ADGRL2: variants seen among roughly 807,000 people sequenced by gnomAD.
The protein encoded by ADGRL2 is calcium-independent alpha-latrotoxin receptor 2.
Under a neutral mutation model 157.4 loss-of-function variants are expected in ADGRL2, and 44 were observed. The ratio of observed to expected loss-of-function variants is 0.28; its 90% CI spans 0.22 to 0.36. ADGRL2 has a LOEUF of 0.36. Ranked by LOEUF, ADGRL2 falls within the 10% of genes least tolerant of loss-of-function variation. The probability of loss-of-function intolerance (pLI) is 1.00; values close to 1 mark genes in which losing one functional copy is unlikely to be tolerated. For synonymous variants in ADGRL2, 585 were observed against 624.7 expected, an observed-to-expected ratio of 0.94 and a Z score of 0.95; for missense variants, 1,510 against 1,768.9, an observed-to-expected ratio of 0.85 and a Z score of 2.63.
intron 1 of ADGRL2, among the ~76,000 whole-genome samples, chr1:81,831,126 T>C (rs2150090711): frequency 6.6e-6 from 1 of 152,328 alleles, no homozygotes; most frequent in East Asian, 1.9e-4. Flanking sequence ...TTGTAGATGT[T>C]AATATTAAAA....
chr1:81,348,649 CCAA>C (rs1333031610), intron 1 of ADGRL2, among the ~76,000 whole-genome samples: 2 of 152,056 alleles, frequency 1.3e-5, no homozygotes, highest in African/African-American at 4.8e-5. Context: ...ACCACCACCA[CCAA>C]CAACAACAAA....
At chr1:81,806,592 GTAATAAAATGT>G (rs2089191685) in intron 1 of ADGRL2, among the ~76,000 whole-genome samples, 1 of 151,958 alleles carries the variant, frequency 6.6e-6, no homozygotes. Context: ...ACAAACCATA[GTAATAAAATGT>G]TATTGCTTTA....
intron 1 of ADGRL2, among the ~76,000 whole-genome samples, chr1:81,805,751 C>T (rs2089037301): frequency 6.7e-6 from 1 of 148,522 alleles, no homozygotes; most frequent in Non-Finnish European, 1.5e-5. Flanking sequence ...AAAAAGGCCA[C>T]ATTGATGTAA....
intron 3 of ADGRL2, among the ~76,000 whole-genome samples, chr1:81,607,518 G>A (rs993662852): frequency 6.6e-6 from 1 of 152,138 alleles, no homozygotes; most frequent in Admixed American, 6.5e-5. Flanking sequence ...GCACGTGGAA[G>A]GATGAATGGC....
At chr1:81,566,295 A>G (rs2080561280) in intron 2 of ADGRL2, among the ~76,000 whole-genome samples, 1 of 152,194 alleles carries the variant, frequency 6.6e-6, no homozygotes, top group Non-Finnish European at 1.5e-5. Context: ...TTAACAGCAG[A>G]TAATAATGGT....
At chr1:81,456,971 T>C (rs1266671306) in intron 2 of ADGRL2, among the ~76,000 whole-genome samples, 1 of 152,156 alleles carries the variant, frequency 6.6e-6, no homozygotes, top group Non-Finnish European at 1.5e-5. Flanking sequence ...CTTGTCATGT[T>C]GTTACCTGAA....
At chr1:81,705,403 A>G (rs1410584982) in intron 1 of ADGRL2, among the ~76,000 whole-genome samples, 1 of 152,060 alleles carries the variant, frequency 6.6e-6, no homozygotes, top group African/African-American at 2.4e-5. Context: ...GTGCATCACC[A>G]TGCCAGGCTA....
chr1:81,377,706 A>T (rs571546282), intron 1 of ADGRL2, among the ~76,000 whole-genome samples: 2 of 152,246 alleles, frequency 1.3e-5, no homozygotes, highest in South Asian at 4.1e-4. Context: ...AATGTATTTA[A>T]TTGCTGGAGA....
At chr1:81,959,665 C>T (rs1432778577) in intron 11 of ADGRL2, among the ~76,000 whole-genome samples, 1 of 152,032 alleles carries the variant, frequency 6.6e-6, no homozygotes, top group East Asian at 1.9e-4. Flanking sequence ...ACCACAATAC[C>T]ATTATCACAC....
chr1:81,331,117 A>G (rs898408067), intron 1 of ADGRL2, among the ~76,000 whole-genome samples: 1 of 152,126 alleles, frequency 6.6e-6, no homozygotes. Context: ...TCTACATCAA[A>G]CCAAAACATC....
At chr1:81,639,813 A>G (rs1284386057) in intron 3 of ADGRL2, among the ~76,000 whole-genome samples, 1 of 152,128 alleles carries the variant, frequency 6.6e-6, no homozygotes, top group Non-Finnish European at 1.5e-5. Context: ...CTATTTCACA[A>G]TCGGTAGTTT....
chr1:81,879,540 T>C (rs1408288300), intron 2 of ADGRL2, among the ~76,000 whole-genome samples: 2 of 149,852 alleles, frequency 1.3e-5, no homozygotes, highest in Non-Finnish European at 3.0e-5. Flanking sequence ...CAACTTAAAA[T>C]GCATTTGCCT....
intron 2 of ADGRL2, among the ~76,000 whole-genome samples, chr1:81,555,396 G>A (rs2080250289): frequency 6.6e-6 from 1 of 150,574 alleles, no homozygotes; most frequent in South Asian, 2.1e-4. Flanking sequence ...AGCCTCCCAA[G>A]TAGCTGGGAT....
intron 2 of ADGRL2, among the ~76,000 whole-genome samples, chr1:81,840,007 G>A (rs1023493486): frequency 7.5e-6 from 1 of 134,214 alleles, no homozygotes; most frequent in Admixed American, 7.5e-5. Flanking sequence ...TGATTGATGG[G>A]CATTTGGGTT....
At chr1:81,543,073 A>C (rs1287088501) in intron 2 of ADGRL2, among the ~76,000 whole-genome samples, 1 of 151,890 alleles carries the variant, frequency 6.6e-6, no homozygotes, top group African/African-American at 2.4e-5. Flanking sequence ...TTTATTTTGA[A>C]CTTCAAGATA....
At chr1:81,802,965 G>C (rs963548838) in intron 1 of ADGRL2, among the ~76,000 whole-genome samples, 22 of 152,104 alleles carry the variant, frequency 1.4e-4, no homozygotes, top group African/African-American at 5.3e-4. Context: ...CTCGTGGGTC[G>C]GGAGGGTGCA....
At chr1:81,559,967 A>G (rs2080403297) in intron 2 of ADGRL2, among the ~76,000 whole-genome samples, 1 of 152,234 alleles carries the variant, frequency 6.6e-6, no homozygotes, top group Admixed American at 6.5e-5. Context: ...CAGCAATAGC[A>G]GCTAAATGTC....
At chr1:81,975,717 A>G (rs965411773) in intron 17 of ADGRL2, among the ~76,000 whole-genome samples, 3 of 152,038 alleles carry the variant, frequency 2.0e-5, no homozygotes, top group Non-Finnish European at 4.4e-5. Context: ...GAAAAATGCA[A>G]AGAAGAAAGG....
intron 1 of ADGRL2, among the ~76,000 whole-genome samples, chr1:81,308,791 G>A (rs556161152): frequency 2.0e-4 from 30 of 152,200 alleles, no homozygotes; most frequent in Non-Finnish European, 3.7e-4. Flanking sequence ...TTACAACTAT[G>A]CATCCAAAAT....
Sources: gnomAD v4.1 joint callset for allele counts (sites outside exome capture counted in the v4.1 genomes callset) on GRCh38, gnomAD v4.1.1 for gene constraint, MANE v1.5 for transcripts, NCBI Gene and HGNC (gene_info 2026-07-23, HGNC 2026-07-21) for gene names.